PTPRG: variants seen among roughly 807,000 people sequenced by gnomAD.
The protein encoded by PTPRG is protein tyrosine phosphatase receptor type G, also known as receptor-type tyrosine-protein phosphatase gamma.
Under a neutral mutation model 165.3 loss-of-function variants are expected in PTPRG, and 102 were observed. The ratio of observed to expected loss-of-function variants is 0.62; its 90% CI spans 0.53 to 0.73. The LOEUF (loss-of-function observed/expected upper bound fraction) is 0.73, where lower values mean the gene tolerates loss of function less well. PTPRG is among the 30% of genes least tolerant of loss of function. The pLI is 0.00. For missense variants in PTPRG, 1,866 were observed against 1,861.4 expected (o/e 1.00, Z -0.05); for synonymous variants, 675 against 669.5 (o/e 1.01, Z -0.13).
At chr3:61,916,634 A>G (rs889157166) in intron 2 of PTPRG, among the ~76,000 whole-genome samples, 4 of 152,104 alleles carry the variant, frequency 2.6e-5, no homozygotes, top group African/African-American at 9.7e-5. Flanking sequence ...TTATTATTAT[A>G]TTTATCTTTT....
At chr3:62,234,320 A>G (rs1700973959) in intron 14 of PTPRG, among the ~76,000 whole-genome samples, 1 of 152,216 alleles carries the variant, frequency 6.6e-6, no homozygotes, top group African/African-American at 2.4e-5. Context: ...TTGCAAGTGG[A>G]TAAGCATGTC....
intron 2 of PTPRG, among the ~76,000 whole-genome samples, chr3:61,958,671 T>G (rs148626606): frequency 1.1e-3 from 167 of 152,342 alleles, no homozygotes; most frequent in African/African-American, 3.9e-3. Context: ...TCCTGCTGAG[T>G]GGCAAAGTCT....
intron 16 of PTPRG, among the ~76,000 whole-genome samples, chr3:62,259,666 G>C (rs756955739): frequency 1.6e-4 from 25 of 152,162 alleles, no homozygotes; most frequent in Non-Finnish European, 3.4e-4. Flanking sequence ...GAGATAGCCA[G>C]ATTTCATGAA....
At chr3:62,125,034 T>C (rs75493338) in intron 5 of PTPRG, among the ~76,000 whole-genome samples, 2,326 of 152,270 alleles carry the variant, frequency 0.015, 59 homozygotes, top group African/African-American at 0.052. Flanking sequence ...TCAGTACATA[T>C]TGGTTGAATC....
chr3:61,981,834 G>A (rs1396234043), intron 2 of PTPRG, among the ~76,000 whole-genome samples: 1 of 152,176 alleles, frequency 6.6e-6, no homozygotes, highest in Non-Finnish European at 1.5e-5. Flanking sequence ...CCATATTCAT[G>A]TCCACTCTCC....
intron 2 of PTPRG, among the ~76,000 whole-genome samples, chr3:61,878,481 G>GT (rs1195074836): frequency 6.6e-6 from 1 of 152,016 alleles, no homozygotes; most frequent in Non-Finnish European, 1.5e-5. Context: ...TCCCCAGGTT[G>GT]TTTTTGGTTT....
chr3:62,220,575 G>A (rs763000445), intron 13 of PTPRG, among the ~76,000 whole-genome samples: 3 of 152,152 alleles, frequency 2.0e-5, no homozygotes, highest in Non-Finnish European at 4.4e-5. Flanking sequence ...TTCCTCGGGC[G>A]TCTGACGGTA....
In PTPRG at chr3:62,064,140, C is replaced by T. The variant is rs141020462; in HGVS notation, c.520-14023C>T. ...CTCATTTCAAGGGAGACTTTTTTTC[C>T]GATGAGCTACATTTTTAGAGCCAGC... On this transcript the variant is annotated intron_variant, in intron 4 of 29. Transcript: ENST00000474889. 8.0e-4 allele frequency among the ~76,000 whole-genome samples: 121 copies of T among 151,812 alleles called. No individual in the cohort carries two copies. The East Asian group carries it at 0.02, about 25-fold the overall frequency.
chr3:62,235,544 T>C (rs1368959991), intron 14 of PTPRG, among the ~76,000 whole-genome samples: 1 of 152,226 alleles, frequency 6.6e-6, no homozygotes, highest in African/African-American at 2.4e-5. Flanking sequence ...CAAGGATTTC[T>C]TGGCAAACTT....
At position 62,045,521 on chromosome 3, in the gene PTPRG, A is replaced by C. The variant is rs188300964; in HGVS notation, c.520-32642A>C. On this transcript the variant is annotated intron_variant, in intron 4 of 29. Transcript: ENST00000474889. ...TGTAGAGTCAAACCTCATTTTGTCC[A>C]GCTCTTAGATTTAAATCTCTGCAAA... is the stretch of plus-strand genomic sequence containing the variant. Among the ~76,000 whole-genome samples, 30 of 152,312 alleles carry C rather than the reference A, an allele frequency of 2.0e-4. No homozygotes were observed. The East Asian group carries it at 2.3e-3, about 12-fold the overall frequency.
intron 1 of PTPRG, among the ~76,000 whole-genome samples, chr3:61,720,305 G>A (rs2031994245): frequency 1.3e-5 from 2 of 152,044 alleles, no homozygotes; most frequent in South Asian, 4.1e-4. Context: ...TGTATTTTTA[G>A]GAGAGGTGGG....
intron 1 of PTPRG, chr3:61,743,055 C>T: frequency 1.3e-6 from 2 of 1,592,372 alleles, no homozygotes; most frequent in South Asian, 1.1e-5. Context: ...GGTTCCGGTG[C>T]AGGACTTCCC....
chr3:62,296,565 C>A lies in PTPRG; in HGVS notation c.*3258C>A, dbSNP rs769918915. ...TTGTCTTAAGAATTTAGTGGTTATA[C>A]TGGAAATGCATTTTCAACTCCTATG... On this transcript the variant is annotated 3_prime_UTR_variant, in exon 30 of 30. Transcript: ENST00000474889. 6.6e-6 allele frequency: 1 copy of A among 150,608 alleles called. No individual in the cohort carries two copies. Among genetic ancestry groups the A allele is most frequent in the Admixed American group, 6.6e-5 (1 of 15,124 alleles). The allele number at this position is 150,608 out of a possible 1,614,324, so 9.3% of individuals were successfully genotyped here. A position where few individuals can be genotyped will look rare whatever the true frequency, so the allele number is the denominator to read the frequency against.
rs13068778 is a variant in PTPRG at position 62,255,531 on chromosome 3, A to T, written c.2559+316A>T. On this transcript the variant is annotated intron_variant, in intron 16 of 29. Coordinates refer to ENST00000474889, the MANE Select transcript of PTPRG (RefSeq NM_002841.4). The surrounding 1 kb of genome is among the most constrained non-coding windows in gnomAD (Gnocchi z 4.0). ...TCTAACTGGGAACAGCAGTCATAAC[A>T]CAAGGCTCCCTAATTCCATGTCTTT... 0.044 allele frequency among the ~76,000 whole-genome samples: 6,735 copies of T among 152,192 alleles called. 164 individuals carry two copies. Among genetic ancestry groups the T allele is most frequent in the Admixed American group, 0.063 (959 of 15,284 alleles).
intron 3 of PTPRG, among the ~76,000 whole-genome samples, chr3:61,993,907 C>T (rs2107702436): frequency 1.3e-5 from 2 of 152,088 alleles, no homozygotes; most frequent in African/African-American, 4.8e-5. Flanking sequence ...AGTAACTCTC[C>T]CATAAAACAG....
intron 12 of PTPRG, among the ~76,000 whole-genome samples, chr3:62,216,485 G>A (rs905824472): frequency 1.3e-5 from 2 of 152,028 alleles, no homozygotes; most frequent in Non-Finnish European, 2.9e-5. Flanking sequence ...GGCCTATAGC[G>A]TCAACCCTCC....
At chr3:62,248,893 G>A (rs1427905669) in intron 15 of PTPRG, among the ~76,000 whole-genome samples, 1 of 152,144 alleles carries the variant, frequency 6.6e-6, no homozygotes, top group African/African-American at 2.4e-5. Flanking sequence ...ATAATTTGAA[G>A]GTCACTGGCT....
At chr3:61,928,856 G>C (rs780727432) in intron 2 of PTPRG, among the ~76,000 whole-genome samples, 1 of 152,134 alleles carries the variant, frequency 6.6e-6, no homozygotes, top group African/African-American at 2.4e-5. Flanking sequence ...TAAAACAGTT[G>C]ATTGGAGTCA....
At chr3:61,792,697 TTTCTTTCTTTCTTTCTTTCTTTCTTTC>T (rs1431187638) in intron 2 of PTPRG, among the ~76,000 whole-genome samples, 1 of 60,766 alleles carries the variant, frequency 1.6e-5, no homozygotes, top group Non-Finnish European at 3.1e-5. Context: ...TCTTTCTTTC[TTTCTTTCTTTCTTTCTTTCTTTCTTTC>T]TTTCTTTCTT....
Sources: allele counts gnomAD v4.1 joint callset (sites outside exome capture counted in the v4.1 genomes callset), GRCh38; gene constraint gnomAD v4.1.1; non-coding constraint Gnocchi (gnomAD v3.1); transcripts MANE v1.5; gene names NCBI Gene and HGNC (gene_info 2026-07-23, HGNC 2026-07-21).